CCS: variants seen among roughly 807,000 people sequenced by gnomAD.
CCS encodes superoxide dismutase copper chaperone.
In CCS, 32 loss-of-function variants were observed where a neutral mutation model predicts 35.5. That is an observed-to-expected ratio of 0.90 (90% CI 0.68 to 1.21). CCS has a LOEUF of 1.21. CCS is among the 50% of genes most tolerant of loss of function. The pLI, the probability that CCS is intolerant of heterozygous loss-of-function variation, is 0.00. For synonymous variants in CCS, 130 were observed against 147.2 expected (o/e 0.88, Z 0.84); for missense variants, 342 against 375.4 (o/e 0.91, Z 0.73).
intron 2 of CCS, among the ~76,000 whole-genome samples, chr11:66,598,027 T>C (rs1366063180): frequency 6.6e-6 from 1 of 151,306 alleles, no homozygotes; most frequent in Non-Finnish European, 1.5e-5. Context: ...GAGGTTGCAG[T>C]GAGCCGAGAT....
At position 66,605,546 on chromosome 11, in the gene CCS, C is replaced by A; in HGVS notation, c.625C>A (p.Arg209=). The part of the protein sequence containing the change: ...IIDEGEDDLG[R]GGHPLSKITG... ...TGATGAGGGAGAAGATGACCTGGGC[C>A]GGGGAGGCCATCCCTTATCCAAGAT... The change falls in exon 7 of 8, where the codon CGG becomes AGG. Residue 209 remains arginine, a synonymous_variant. Coordinates refer to ENST00000533244, the MANE Select transcript of CCS (RefSeq NM_005125.2). 1 of 1,614,008 alleles carries A rather than the reference C, an allele frequency of 6.2e-7. No individual in the cohort carries two copies. Among genetic ancestry groups the A allele is most frequent in the Non-Finnish European group, 8.5e-7 (1 of 1,179,996 alleles).
At chr11:66,593,777 C>G in intron 2 of CCS, 63 bp downstream of exon 2, 1 of 1,454,082 alleles carries the variant, frequency 6.9e-7, no homozygotes, top group Non-Finnish European at 9.6e-7. Context: ...CCAGGCGAAT[C>G]TATTAGGCGA....
chr11:66,598,659 C>A (rs561265028), intron 2 of CCS, among the ~76,000 whole-genome samples: 2 of 151,516 alleles, frequency 1.3e-5, no homozygotes, highest in African/African-American at 2.4e-5. Context: ...TTTCAAGGTC[C>A]GTCCATGTTG....
At chr11:66,596,896 T>A in intron 2 of CCS, among the ~76,000 whole-genome samples, 1 of 152,206 alleles carries the variant, frequency 6.6e-6, no homozygotes, top group Admixed American at 6.5e-5. Context: ...GGTTAAGTGC[T>A]GGGGCTCTGG....
chr11:66,598,519 A>G (rs1404780406), intron 2 of CCS, among the ~76,000 whole-genome samples: 1 of 144,832 alleles, frequency 6.9e-6, no homozygotes, highest in East Asian at 2.1e-4. Flanking sequence ...GTTTCAAAAA[A>G]AAAAAAATAT....
chr11:66,599,123 G>C lies in CCS; in HGVS notation c.120G>C (p.Gln40His). Residue 40 changes from glutamine to histidine, a missense_variant, in exon 3 of 8, where the codon CAG (glutamine) becomes CAC (histidine). By Grantham distance (24) the Gln-to-His change is conservative (BLOSUM62 0). Transcript: ENST00000533244. ...RKSLQGVAGV[Q>H]DVEVHLEDQM... The stretch of plus-strand genomic sequence containing the variant: ...CCCTCTCTTTCTTGCCAGGTGTCCA[G>C]GATGTGGAGGTGCACTTGGAGGACC... The C allele has an allele frequency of 1.9e-6, 3 of 1,614,130 alleles. No homozygotes were observed. The highest frequency in any genetic ancestry group is 2.5e-6 in the Non-Finnish European group (3 of 1,180,022).
At chr11:66,593,746 TC>T in intron 2 of CCS, 32 bp downstream of exon 2, 1 of 1,599,760 alleles carries the variant, frequency 6.3e-7, no homozygotes, top group Non-Finnish European at 8.6e-7. Context: ...CTGCAGACAG[TC>T]CAGAAGCCTC....
At chr11:66,595,954 C>G (rs1300655234) in intron 2 of CCS, among the ~76,000 whole-genome samples, 1 of 152,214 alleles carries the variant, frequency 6.6e-6, no homozygotes, top group Non-Finnish European at 1.5e-5. Context: ...TGCTATGTGT[C>G]CAAAACATAC....
intron 2 of CCS, among the ~76,000 whole-genome samples, chr11:66,595,104 T>C (rs1858454249): frequency 6.6e-6 from 1 of 152,192 alleles, no homozygotes; most frequent in Non-Finnish European, 1.5e-5. Context: ...ACTTTTTGTG[T>C]CTCTGTTTCT....
At chr11:66,593,531 A>G (rs1858419046) in intron 1 of CCS, 111 bp from the exon 2 acceptor site, 1 of 1,151,742 alleles carries the variant, frequency 8.7e-7, no homozygotes. Context: ...AAGAGGGGTT[A>G]AGTGGGGCTT....
intron 2 of CCS, among the ~76,000 whole-genome samples, chr11:66,598,675 T>C (rs1161030962): frequency 6.6e-6 from 1 of 151,868 alleles, no homozygotes; most frequent in Non-Finnish European, 1.5e-5. Context: ...TGTTGTAGCA[T>C]GTATCAGCAC....
At chr11:66,600,453 CT>C in intron 4 of CCS, 35 bp from the exon 5 acceptor site, 1 of 1,391,494 alleles carries the variant, frequency 7.2e-7, no homozygotes, top group Non-Finnish European at 9.7e-7. Context: ...GGCCTGTGAG[CT>C]GCTTTCCTGC....
Position 66,605,531 on chromosome 11 carries a change from G to A in CCS, c.610G>A (p.Glu204Lys), listed in dbSNP as rs751710858. 6.2e-7 allele frequency: 1 copy of A among 1,614,108 alleles called. No homozygotes were observed. Among genetic ancestry groups the A allele is most frequent in the Admixed American group, 1.7e-5 (1 of 60,000 alleles). Reference sequence around the variant, plus strand: ...CCGCAGCCTGATTATTGATGAGGGAGAAGATGACCTGGGCCGGGGAGGCCA... The same window carrying A: ...CCGCAGCCTGATTATTGATGAGGGAAAAGATGACCTGGGCCGGGGAGGCCA... ...IGRSLIIDEG[E>K]DDLGRGGHPL... The change falls in exon 7 of 8, where the codon GAA becomes AAA. Residue 204 changes from glutamate to lysine, a missense_variant. Physicochemically the swap from Glu to Lys is moderately conservative, Grantham distance 56. Transcript: ENST00000533244.
Position 66,601,154 on chromosome 11 carries a change from G to T in CCS, c.489+605G>T, listed in dbSNP as rs1379485623. ...ATTGCCCAGGCTAGAGTGCAATGGCGCAGTCCCAGCTCATTGCAACCTCCG... is the reference window on the plus strand; with the variant it reads ...ATTGCCCAGGCTAGAGTGCAATGGCTCAGTCCCAGCTCATTGCAACCTCCG... On this transcript the variant is annotated intron_variant, in intron 5 of 7. Transcript: ENST00000533244. 2.0e-5 allele frequency among the ~76,000 whole-genome samples: 3 copies of T among 152,108 alleles called. No homozygotes were observed. In the South Asian group the frequency reaches 6.2e-4, roughly 31 times the overall value.
At chr11:66,599,417 G>T in intron 3 of CCS, 42 bp from the exon 4 acceptor site, 1 of 1,510,742 alleles carries the variant, frequency 6.6e-7, no homozygotes, top group Non-Finnish European at 8.8e-7. Context: ...GAGGTGTGCT[G>T]GGTGAGGTGG....
At chr11:66,600,412 A>C (rs1048174414) in intron 4 of CCS, 77 bp from the exon 5 acceptor site, 6 of 841,806 alleles carry the variant, frequency 7.1e-6, no homozygotes, top group Non-Finnish European at 1.1e-5. Flanking sequence ...TGAATGAAGC[A>C]AATATAAATA....
rs1858653135 is a variant in CCS, at chr11:66,605,968, G to A, written c.*113G>A. The stretch of plus-strand genomic sequence containing the variant: ...TCTTTGGAGAGCTCAGTACAGGGCA[G>A]GAGCTGCTGTGGTGTTCCCTTGGCA... On this transcript the variant is annotated 3_prime_UTR_variant, in exon 8 of 8. Transcript: ENST00000533244. 2.8e-5 allele frequency: 32 copies of A among 1,136,430 alleles called. 1 individual carries two copies. In the South Asian group the frequency reaches 6.8e-4, roughly 24 times the overall value. 70.4% of individuals were successfully genotyped at this position (1,136,430 alleles called of 1,614,324 possible).
intron 5 of CCS, among the ~76,000 whole-genome samples, chr11:66,603,923 A>T (rs531544437): frequency 6.6e-6 from 1 of 151,724 alleles, no homozygotes; most frequent in South Asian, 2.1e-4. Context: ...GCTACTCGGG[A>T]AGCTGAGACA....
chr11:66,605,276 G>A, intron 5 of CCS, 63 bp from the exon 6 acceptor site: 3 of 1,605,402 alleles, frequency 1.9e-6, no homozygotes, highest in Non-Finnish European at 8.5e-7. Flanking sequence ...CAGGAAATCA[G>A]AAGATAGCAG....
Sources: allele counts gnomAD v4.1 joint callset (sites outside exome capture counted in the v4.1 genomes callset), GRCh38; gene constraint gnomAD v4.1.1; transcripts MANE v1.5; gene names NCBI Gene and HGNC (gene_info 2026-07-23, HGNC 2026-07-21).